The following AP3D1 variants were observed in gnomAD, a reference collection of about 807,000 sequenced individuals.
The protein encoded by AP3D1 is adaptor related protein complex 3 subunit delta 1.
A neutral mutation model predicts 147.6 loss-of-function variants in AP3D1; 51 were observed. The ratio of observed to expected loss-of-function variants is 0.35; its 90% CI spans 0.28 to 0.44. The LOEUF is 0.44. Among genes scored for constraint, AP3D1 ranks in the 20% least tolerant of loss-of-function variants. The probability of loss-of-function intolerance (pLI) is 1.00; values close to 1 mark genes in which losing one functional copy is unlikely to be tolerated. For synonymous variants in AP3D1, 760 were observed against 663.0 expected, an observed-to-expected ratio of 1.15 and a Z score of -2.25; for missense variants, 1,421 against 1,624.2, an observed-to-expected ratio of 0.87 and a Z score of 2.15.
chr19:2,149,187 C>T (rs2019440791), intron 1 of AP3D1, among the ~76,000 whole-genome samples: 1 of 152,118 alleles, frequency 6.6e-6, no homozygotes, highest in Admixed American at 6.5e-5. Flanking sequence ...TGAAATCACC[C>T]ACCCGCCAAT....
intron 9 of AP3D1, among the ~76,000 whole-genome samples, chr19:2,126,652 C>T (rs1001764603): frequency 1.7e-5 from 1 of 59,634 alleles, no homozygotes; most frequent in African/African-American, 5.8e-5. Context: ...GACTCTGCCT[C>T]AAAAAAAAAA....
At position 2,121,145 on chromosome 19, in the gene AP3D1, C is replaced by T. The variant is rs1397270707; in HGVS notation, c.1250+18G>A. 6.2e-7 allele frequency: 1 copy of T among 1,613,976 alleles called. No individual in the cohort carries two copies. The highest frequency in any genetic ancestry group is 1.7e-5 in the Admixed American group (1 of 60,022). On this transcript the variant is annotated intron_variant, in intron 13 of 31. Transcript: ENST00000643116. ...GCGCCACGGAACCCCCGGCCACACC[C>T]CTGGGAGCGGGACGCACCACTCGAA...
chr19:2,104,185 G>A (rs1439466924), intron 31 of AP3D1, among the ~76,000 whole-genome samples: 1 of 135,648 alleles, frequency 7.4e-6, no homozygotes, highest in Non-Finnish European at 1.6e-5. Context: ...CACCAACGCT[G>A]AGACCGCAAC....
At chr19:2,138,848 T>G (rs1599486026) in intron 1 of AP3D1, 134 bp from the exon 2 acceptor site, 2 of 629,366 alleles carry the variant, frequency 3.2e-6, no homozygotes, top group Admixed American at 4.5e-5. Context: ...GATCACGAGG[T>G]CGGGAGTTTG....
At position 2,163,873 on chromosome 19, in the gene AP3D1, C is replaced by T. The variant is rs866661580; in HGVS notation, c.-103+483G>A. ...CCGCTGGGCGGCGGGCACGCGCCGG[C>T]GTCTTCGCTCCGGGCTCCCCTAGCG... On this transcript the variant is annotated intron_variant, in intron 1 of 14. Coordinates refer to the AP3D1 transcript ENST00000643010. 2.1e-4 allele frequency among the ~76,000 whole-genome samples: 31 copies of T among 149,818 alleles called. 1 individual carries two copies. In the Middle Eastern group the frequency reaches 0.031, roughly 150 times the overall value.
intron 1 of AP3D1, among the ~76,000 whole-genome samples, chr19:2,160,438 A>C (rs1363685026): frequency 6.6e-6 from 1 of 152,120 alleles, no homozygotes; most frequent in Non-Finnish European, 1.5e-5. Flanking sequence ...CTGAGGCAGG[A>C]GAATCGAATC....
At chr19:2,117,748 A>C (rs2018499189) in intron 15 of AP3D1, among the ~76,000 whole-genome samples, 1 of 152,268 alleles carries the variant, frequency 6.6e-6, no homozygotes, top group South Asian at 2.1e-4. Flanking sequence ...ACCATGGGCC[A>C]AGGATCATGG....
rs373383659 is a variant in AP3D1 at position 2,129,305 on chromosome 19, G to A, written c.732+13C>T. 783 of 1,613,530 alleles carry A rather than the reference G, an allele frequency of 4.9e-4. No homozygotes were observed. The highest frequency in any genetic ancestry group is 6.3e-4 in the Non-Finnish European group (738 of 1,179,958). On this transcript the variant is annotated intron_variant, in intron 7 of 31. Transcript: ENST00000643116. ...CACAGGGTGAGGAGGCCACATTCCC[G>A]GGCAGTACTTGCCAGCTTGATGATC...
chr19:2,123,325 G>C (rs372437279), intron 11 of AP3D1, 33 bp downstream of exon 11: 11 of 1,610,150 alleles, frequency 6.8e-6, no homozygotes, highest in Non-Finnish European at 8.5e-6. Flanking sequence ...CTGGGGACAC[G>C]AAAATGACAG....
At position 2,110,157 on chromosome 19, in the gene AP3D1, C is replaced by A. The variant is rs200617697; in HGVS notation, c.3243G>T (p.Gly1081=). The A allele has an allele frequency of 6.2e-7, 1 of 1,612,960 alleles. No homozygotes were observed. ...ATACCTTGGCAATGAAGGACAGGGTCCCCTTGAGCTTCTGCGCCATGACGA... is the reference window on the plus strand; with the variant it reads ...ATACCTTGGCAATGAAGGACAGGGTACCCTTGAGCTTCTGCGCCATGACGA... The part of the protein sequence containing the change: ...QSIVMAQKLK[G]TLSFIAKNDE... The change falls in exon 28 of 32, where the codon GGG becomes GGT. Residue 1081 remains glycine, a synonymous_variant. Transcript: ENST00000643116.
chr19:2,103,220 T>TA lies in AP3D1; in HGVS notation c.3553-953dup, dbSNP rs68118513. The stretch of plus-strand genomic sequence containing the variant: ...TTAATTTTGCGAATTTGCTAATTAT[T>TA]AAAAAAAAAAATGGGAAGGGCTCGG... On this transcript the variant is annotated intron_variant, in intron 31 of 31. Transcript: ENST00000643116. 5.8e-4 allele frequency among the ~76,000 whole-genome samples: 87 copies of TA among 149,052 alleles called. 1 individual carries two copies. The highest frequency in any genetic ancestry group is 2.1e-3 in the South Asian group (10 of 4,736).
intron 22 of AP3D1, among the ~76,000 whole-genome samples, chr19:2,113,716 T>C (rs758828182): frequency 6.6e-6 from 1 of 152,160 alleles, no homozygotes; most frequent in East Asian, 1.9e-4. Context: ...CCACCTGACG[T>C]GGGTGTGGAC....
At chr19:2,141,262 C>T (rs1171934871) in intron 1 of AP3D1, among the ~76,000 whole-genome samples, 1 of 152,094 alleles carries the variant, frequency 6.6e-6, no homozygotes, top group African/African-American at 2.4e-5. Context: ...TAAATTCACA[C>T]TTCACCACAC....
intron 1 of AP3D1, among the ~76,000 whole-genome samples, chr19:2,149,078 T>C (rs1329845627): frequency 6.6e-6 from 1 of 152,028 alleles, no homozygotes; most frequent in Non-Finnish European, 1.5e-5. Context: ...GCAGAGAACA[T>C]CCAGAATCAG....
At position 2,118,570 on chromosome 19, in the gene AP3D1, G is replaced by A. The variant is rs747756432; in HGVS notation, c.1713+31C>T. ...AGAAAGGCACTGAGGGCTCCCTGAG[G>A]CTCGGCCCAACACGGAGTGTTGGAT... On this transcript the variant is annotated intron_variant, in intron 15 of 31. Coordinates refer to ENST00000643116, the MANE Select transcript of AP3D1 (RefSeq NM_001261826.3). 7.0e-6 allele frequency: 11 copies of A among 1,582,484 alleles called. No homozygotes were observed. In the South Asian group the frequency reaches 1.2e-4, roughly 18 times the overall value.
rs774619908 is a variant in AP3D1, at chr19:2,118,782, A to G, written c.1532T>C (p.Val511Ala). 1 of 1,613,690 alleles carries G rather than the reference A, an allele frequency of 6.2e-7. No homozygotes were observed. Among genetic ancestry groups the G allele is most frequent in the Non-Finnish European group, 8.5e-7 (1 of 1,179,988 alleles). Residue 511 changes from valine to alanine, a missense_variant, in exon 15 of 32, where the codon GTC becomes GCC. By Grantham distance (64) the Val-to-Ala change is moderately conservative. Around this residue, in one of 6 missense-constraint regions of AP3D1, gnomAD observed 310 missense variants for 388.1 expected, o/e 0.80. Transcript: ENST00000643116. ...HTLEAMLRPR[V>A]TTLPGHIQAV... ...CTGGATGTGGCCTGGCAGCGTGGTGACTCTGGGCCGCAGCATGGCCTCCAA... is the reference window on the plus strand; with the variant it reads ...CTGGATGTGGCCTGGCAGCGTGGTGGCTCTGGGCCGCAGCATGGCCTCCAA...
chr19:2,144,363 C>A (rs773589720), intron 1 of AP3D1, among the ~76,000 whole-genome samples: 2 of 152,178 alleles, frequency 1.3e-5, no homozygotes, highest in Admixed American at 6.5e-5. Context: ...AGGAGCAGAG[C>A]GGCCGCGGCC....
At chr19:2,128,007 A>G (rs559495875) in intron 8 of AP3D1, among the ~76,000 whole-genome samples, 1 of 152,326 alleles carries the variant, frequency 6.6e-6, no homozygotes, top group South Asian at 2.1e-4. Flanking sequence ...CACTGCTCAC[A>G]TGGTGAAATG....
chr19:2,162,375 G>A (rs1451040302), intron 1 of AP3D1, among the ~76,000 whole-genome samples: 1 of 144,130 alleles, frequency 6.9e-6, no homozygotes, highest in Non-Finnish European at 1.5e-5. Flanking sequence ...GGCCGGGTGC[G>A]GTGGCTGATG....
Sources: gnomAD v4.1 joint callset for allele counts (sites outside exome capture counted in the v4.1 genomes callset) on GRCh38, gnomAD v4.1.1 for gene constraint, gnomAD v4.1.1 regional missense constraint, MANE v1.5 for transcripts, NCBI Gene and HGNC (gene_info 2026-07-23, HGNC 2026-07-21) for gene names.